PRPH2: variants seen among roughly 807,000 people sequenced by gnomAD.
PRPH2 encodes peripherin-2.
A neutral mutation model predicts 31.3 loss-of-function variants in PRPH2; 17 were observed. That is an observed-to-expected ratio of 0.54 (90% CI 0.37 to 0.81). PRPH2 has a LOEUF of 0.81. PRPH2 is among the 40% of genes least tolerant of loss of function. The pLI is 0.00. For missense variants in PRPH2, 430 were observed against 439.7 expected, an observed-to-expected ratio of 0.98 and a Z score of 0.20; for synonymous variants, 165 against 184.4, an observed-to-expected ratio of 0.89 and a Z score of 0.85.
chr6:42,717,460 G>A (rs919822541), intron 1 of PRPH2, among the ~76,000 whole-genome samples: 9 of 151,812 alleles, frequency 5.9e-5, no homozygotes, highest in Non-Finnish European at 1.2e-4. Context: ...CCCTTTTGCC[G>A]GCCTCACCTC....
Position 42,696,844 on chromosome 6 carries a change from G to T in PRPH2, c.*1451C>A, listed in dbSNP as rs1388824621. The T allele has an allele frequency of 6.6e-6, 1 of 151,382 alleles. No homozygotes were observed. The highest frequency in any genetic ancestry group is 1.5e-5 in the Non-Finnish European group (1 of 67,856). 9.4% of individuals were successfully genotyped at this position (151,382 alleles called of 1,614,324 possible). A position where few individuals can be genotyped will look rare whatever the true frequency, so the allele number is the denominator to read the frequency against. On this transcript the variant is annotated 3_prime_UTR_variant, in exon 3 of 3. Transcript: ENST00000230381. ...TCTGACAGGGTGTCCAAACATCTTGGATCTGGTCTTCTGCTTGGGGGAATT... is the reference window on the plus strand; with the variant it reads ...TCTGACAGGGTGTCCAAACATCTTGTATCTGGTCTTCTGCTTGGGGGAATT...
At chr6:42,716,592 TG>T (rs1167165919) in intron 1 of PRPH2, among the ~76,000 whole-genome samples, 2 of 148,256 alleles carry the variant, frequency 1.3e-5, no homozygotes, top group Non-Finnish European at 3.0e-5. Context: ...TAATTTTTTT[TG>T]TTTGGTTTGG....
In PRPH2 at chr6:42,698,041, C is replaced by A. The variant is rs1050956455; in HGVS notation, c.*254G>T. On this transcript the variant is annotated 3_prime_UTR_variant, in exon 3 of 3. Coordinates refer to ENST00000230381, the MANE Select transcript of PRPH2 (RefSeq NM_000322.5). ...CCCCGAGTCACCAGGAGGGCATATCCTAGGGCAGCGGGCCTGAAGGGAGCT... is the reference window on the plus strand; with the variant it reads ...CCCCGAGTCACCAGGAGGGCATATCATAGGGCAGCGGGCCTGAAGGGAGCT... 10 of 527,996 alleles carry A rather than the reference C, an allele frequency of 1.9e-5. No homozygotes were observed. The highest frequency in any genetic ancestry group is 3.4e-5 in the Non-Finnish European group (10 of 294,860). The allele number at this position is 527,996 out of a possible 1,614,324, so 32.7% of individuals were successfully genotyped here. A position where few individuals can be genotyped will look rare whatever the true frequency, so the allele number is the denominator to read the frequency against.
intron 1 of PRPH2, among the ~76,000 whole-genome samples, chr6:42,718,817 T>A (rs928133823): frequency 6.6e-6 from 1 of 151,916 alleles, no homozygotes; most frequent in Non-Finnish European, 1.5e-5. Context: ...CACTCCTGGC[T>A]AATGTTTTTA....
chr6:42,711,448 G>C (rs1582771265), intron 1 of PRPH2, among the ~76,000 whole-genome samples: 1 of 152,182 alleles, frequency 6.6e-6, no homozygotes, highest in Admixed American at 6.5e-5. Context: ...AGTCTGAGGG[G>C]GGAATGCAGC....
Position 42,704,213 on chromosome 6 carries a change from G to A in PRPH2, c.828+152C>T, listed in dbSNP as rs544603148. 1.3e-5 allele frequency: 11 copies of A among 872,314 alleles called. No homozygotes were observed. In the South Asian group the frequency reaches 1.7e-4, roughly 13 times the overall value. 54.0% of individuals were successfully genotyped at this position (872,314 alleles called of 1,614,324 possible). ...TACAAAAGGTGGAGGCCCTGGGTGG[G>A]GTTCAAGCCCAGACTGATCTGACCC... On this transcript the variant is annotated intron_variant, in intron 2 of 2. Coordinates refer to ENST00000230381, the MANE Select transcript of PRPH2 (RefSeq NM_000322.5).
At chr6:42,712,096 A>G (rs904222386) in intron 1 of PRPH2, among the ~76,000 whole-genome samples, 8 of 152,212 alleles carry the variant, frequency 5.3e-5, no homozygotes, top group African/African-American at 1.9e-4. Flanking sequence ...GAGGAAATAC[A>G]GGGGACAGAA....
At chr6:42,707,758 T>TGG (rs1407972468) in intron 1 of PRPH2, among the ~76,000 whole-genome samples, 1 of 152,148 alleles carries the variant, frequency 6.6e-6, no homozygotes, top group Admixed American at 6.6e-5. Context: ...TGAGGTGGCC[T>TGG]GGGTCATGGC....
intron 1 of PRPH2, among the ~76,000 whole-genome samples, chr6:42,708,724 G>C (rs1358889132): frequency 2.0e-5 from 3 of 152,204 alleles, no homozygotes; most frequent in African/African-American, 7.2e-5. Flanking sequence ...CCAGTGTCCT[G>C]TGGACAGGGT....
chr6:42,699,785 C>T (rs1341552215), intron 2 of PRPH2, among the ~76,000 whole-genome samples: 19 of 152,020 alleles, frequency 1.2e-4, no homozygotes, highest in South Asian at 8.3e-4. Flanking sequence ...CCCAGCTACC[C>T]GGGTACTTGG....
chr6:42,707,447 G>A (rs950261512), intron 1 of PRPH2, among the ~76,000 whole-genome samples: 3 of 152,082 alleles, frequency 2.0e-5, no homozygotes, highest in African/African-American at 7.2e-5. Flanking sequence ...CCAGATACCT[G>A]CCATTTTTCT....
chr6:42,716,372 C>T (rs1369672508), intron 1 of PRPH2, among the ~76,000 whole-genome samples: 1 of 150,672 alleles, frequency 6.6e-6, no homozygotes, highest in Non-Finnish European at 1.5e-5. Flanking sequence ...CCAGCCTAAG[C>T]AACAGAGTAA....
chr6:42,708,982 C>T (rs1477940432), intron 1 of PRPH2, among the ~76,000 whole-genome samples: 3 of 152,144 alleles, frequency 2.0e-5, no homozygotes, highest in Non-Finnish European at 4.4e-5. Flanking sequence ...GATTGTCCTA[C>T]AGAGGAGCAA....
intron 1 of PRPH2, among the ~76,000 whole-genome samples, chr6:42,705,581 AAAAAAAAAAAAAAAAAAAAT>A (rs1188002209): frequency 1.0e-4 from 6 of 58,800 alleles, no homozygotes; most frequent in Admixed American, 1.5e-4. Flanking sequence ...CTCTAAAAAA[AAAAAAAAAAAAAAAAAAAAT>A]ATATATATAT....
chr6:42,718,318 T>C (rs1392023519), intron 1 of PRPH2, among the ~76,000 whole-genome samples: 7 of 136,996 alleles, frequency 5.1e-5, no homozygotes, highest in Admixed American at 5.0e-4. Context: ...AAAAAAAAAT[T>C]AGCCCAGCAT....
At chr6:42,716,918 C>G (rs991854006) in intron 1 of PRPH2, among the ~76,000 whole-genome samples, 22 of 136,114 alleles carry the variant, frequency 1.6e-4, no homozygotes, top group African/African-American at 6.0e-4. Context: ...CCTCACCGGG[C>G]CTTTTTTCTT....
intron 1 of PRPH2, among the ~76,000 whole-genome samples, chr6:42,715,298 C>T (rs1253318412): frequency 3.3e-5 from 5 of 152,096 alleles, no homozygotes; most frequent in African/African-American, 1.2e-4. Flanking sequence ...TGGGTCATTT[C>T]CCCCTCCCAA....
intron 1 of PRPH2, among the ~76,000 whole-genome samples, chr6:42,717,869 T>C (rs988747913): frequency 1.3e-5 from 2 of 152,112 alleles, no homozygotes; most frequent in Non-Finnish European, 2.9e-5. Context: ...TCAGTGATCA[T>C]GTAAAAGTCT....
Position 42,698,396 on chromosome 6 carries a change from C to T in PRPH2, c.940G>A (p.Glu314Lys). 1 of 1,613,888 alleles carries T rather than the reference C, an allele frequency of 6.2e-7. No homozygotes were observed. The highest frequency in any genetic ancestry group is 8.5e-7 in the Non-Finnish European group (1 of 1,179,798). Residue 314 changes from glutamate to lysine, a missense_variant, in exon 3 of 3, where the codon GAG (glutamate) becomes AAG (lysine). Coordinates refer to ENST00000230381, the MANE Select transcript of PRPH2 (RefSeq NM_000322.5). ...QGWLLERSVP[E>K]TWKAFLESVK... is the part of the protein sequence containing the mutation. ...CTCTCCAGAAAGGCCTTCCAGGTCTCCGGCACGCTCCTCTCCAGCAGCCAG... is the reference window on the plus strand; with the variant it reads ...CTCTCCAGAAAGGCCTTCCAGGTCTTCGGCACGCTCCTCTCCAGCAGCCAG...
Sources: gnomAD v4.1 joint callset for allele counts (sites outside exome capture counted in the v4.1 genomes callset) on GRCh38, gnomAD v4.1.1 for gene constraint, MANE v1.5 for transcripts, NCBI Gene and HGNC (gene_info 2026-07-23, HGNC 2026-07-21) for gene names.